Variants in ITSN1 observed in about 807,000 individuals in gnomAD.
The protein encoded by ITSN1 is intersectin-1.
A neutral mutation model predicts 239.8 loss-of-function variants in ITSN1; 58 were observed. That is an observed-to-expected ratio of 0.24 (90% CI 0.20 to 0.30). ITSN1 has a LOEUF of 0.30. Among genes scored for constraint, ITSN1 ranks in the 10% least tolerant of loss-of-function variants. The pLI, the probability that ITSN1 is intolerant of heterozygous loss-of-function variation, is 1.00. For missense variants in ITSN1, 1,558 were observed against 2,103.3 expected, an observed-to-expected ratio of 0.74 and a Z score of 5.07; for synonymous variants, 780 against 770.8, an observed-to-expected ratio of 1.01 and a Z score of -0.20.
chr21:33,673,357 A>C (rs1365586509), intron 1 of ITSN1, among the ~76,000 whole-genome samples: 1 of 152,120 alleles, frequency 6.6e-6, no homozygotes, highest in Non-Finnish European at 1.5e-5. Flanking sequence ...GTATTGGAAA[A>C]TTTGCTGAGA....
intron 28 of ITSN1, 22 bp downstream of exon 28, chr21:33,834,446 A>AC: frequency 2.7e-6 from 4 of 1,499,616 alleles, no homozygotes; most frequent in Non-Finnish European, 3.7e-6. Flanking sequence ...CGCATCTCTA[A>AC]CTGGAAGATG....
At chr21:33,866,554 C>T (rs990431673) in intron 32 of ITSN1, among the ~76,000 whole-genome samples, 11 of 152,040 alleles carry the variant, frequency 7.2e-5, no homozygotes, top group African/African-American at 2.7e-4. Flanking sequence ...TCGTTGCCAG[C>T]TGCGAGGTGT....
chr21:33,874,403 G>A (rs1340420861), intron 33 of ITSN1, among the ~76,000 whole-genome samples: 4 of 152,252 alleles, frequency 2.6e-5, no homozygotes, highest in Non-Finnish European at 4.4e-5. Context: ...TTATGCCCCA[G>A]GCTGCATGCT....
intron 29 of ITSN1, chr21:33,837,383 A>G (rs1483469692): frequency 2.0e-6 from 2 of 992,196 alleles, no homozygotes; most frequent in African/African-American, 3.5e-5. Context: ...CTTCTTTGCT[A>G]TTTTGGTTTT....
At chr21:33,840,756 C>T (rs1000209000) in intron 29 of ITSN1, among the ~76,000 whole-genome samples, 1 of 152,226 alleles carries the variant, frequency 6.6e-6, no homozygotes, top group African/African-American at 2.4e-5. Context: ...CCTCGGCCTC[C>T]CAAAGTGCTG....
At chr21:33,700,836 T>A (rs1445778905) in intron 1 of ITSN1, among the ~76,000 whole-genome samples, 1 of 152,240 alleles carries the variant, frequency 6.6e-6, no homozygotes, top group Non-Finnish European at 1.5e-5. Flanking sequence ...TGTATGTTCA[T>A]AATCACCTTT....
chr21:33,788,843 C>T lies in ITSN1; in HGVS notation c.1825-5498C>T, dbSNP rs187748432. Among the ~76,000 whole-genome samples the T allele has an allele frequency of 1.7e-3, 266 of 152,286 alleles. 1 individual carries two copies. The highest frequency in any genetic ancestry group is 6.3e-3 in the African/African-American group (263 of 41,540). ...TAGCCTGGTACAGTGACATATATCT[C>T]AGGAGGCTGAGGTGGGAGGATCACA... is the stretch of plus-strand genomic sequence containing the variant. On this transcript the variant is annotated intron_variant, in intron 16 of 39. Coordinates refer to ENST00000381318, the MANE Select transcript of ITSN1 (RefSeq NM_003024.3).
chr21:33,733,553 GTCTT>G (rs981450610), intron 4 of ITSN1, among the ~76,000 whole-genome samples: 6 of 152,072 alleles, frequency 3.9e-5, no homozygotes, highest in Admixed American at 6.6e-5. Context: ...ATTTTTAAAA[GTCTT>G]TCAGCAGTCA....
chr21:33,862,304 A>T (rs1049351210), intron 31 of ITSN1, among the ~76,000 whole-genome samples: 5 of 152,028 alleles, frequency 3.3e-5, no homozygotes, highest in African/African-American at 1.2e-4. Context: ...AAAAAAAAAT[A>T]AGAGCTTGTC....
chr21:33,851,778 CTTTTTTT>C (rs35567402), intron 29 of ITSN1, among the ~76,000 whole-genome samples: 3 of 66,214 alleles, frequency 4.5e-5, no homozygotes, highest in African/African-American at 1.3e-4. Flanking sequence ...CTTTTCTTTC[CTTTTTTT>C]TTTTTTTTTT....
chr21:33,686,077 C>G (rs894457636), intron 1 of ITSN1, among the ~76,000 whole-genome samples: 2 of 152,118 alleles, frequency 1.3e-5, no homozygotes, highest in African/African-American at 2.4e-5. Flanking sequence ...GATGACTTGG[C>G]TCTGTGGTAT....
At chr21:33,729,868 G>C (rs2066061043) in intron 4 of ITSN1, among the ~76,000 whole-genome samples, 1 of 152,072 alleles carries the variant, frequency 6.6e-6, no homozygotes, top group Non-Finnish European at 1.5e-5. Context: ...CAGCTTTCAG[G>C]GACTCAGCTT....
Position 33,675,399 on chromosome 21 carries a change from T to TA in ITSN1, c.-33+32695dup, listed in dbSNP as rs1470241783. 1.6e-3 allele frequency among the ~76,000 whole-genome samples: 245 copies of TA among 150,526 alleles called. 1 individual carries two copies. The highest frequency in any genetic ancestry group is 4.9e-3 in the African/African-American group (203 of 41,040). The stretch of plus-strand genomic sequence containing the variant: ...CAACACGGTGAAACCCTGTCTCTAT[T>TA]AAAAAAAAATACAAAAAATTAGCCA... On this transcript the variant is annotated intron_variant, in intron 1 of 39. Transcript: ENST00000381318.
chr21:33,753,292 C>T (rs2147512354), intron 7 of ITSN1, among the ~76,000 whole-genome samples: 1 of 152,250 alleles, frequency 6.6e-6, no homozygotes, highest in South Asian at 2.1e-4. Flanking sequence ...TCTACTTTGC[C>T]AGGCACATCA....
chr21:33,867,965 G>A (rs1281994584), intron 33 of ITSN1, among the ~76,000 whole-genome samples: 1 of 152,196 alleles, frequency 6.6e-6, no homozygotes, highest in Non-Finnish European at 1.5e-5. Flanking sequence ...GACTTTCGCG[G>A]TGTTACAGCT....
At position 33,818,199 on chromosome 21, in the gene ITSN1, C is replaced by A. The variant is rs1602419669; in HGVS notation, c.2728-68C>A. 9.7e-6 allele frequency: 13 copies of A among 1,337,154 alleles called. No individual in the cohort carries two copies. In the East Asian group the frequency reaches 2.8e-4, roughly 29 times the overall value. The allele number at this position is 1,337,154 out of a possible 1,614,324, so 82.8% of individuals were successfully genotyped here. On this transcript the variant is annotated intron_variant, in intron 22 of 39. Coordinates refer to ENST00000381318, the MANE Select transcript of ITSN1 (RefSeq NM_003024.3). ...CTGTGCTTGTTGGAGAGGTGCCATG[C>A]TCACGTCTGCCCTAATTGATAACAA...
intron 9 of ITSN1, 37 bp downstream of exon 9, chr21:33,762,023 G>A (rs1473408230): frequency 6.7e-7 from 1 of 1,497,938 alleles, no homozygotes; most frequent in Non-Finnish European, 9.3e-7. Context: ...GGATAAAGTG[G>A]AAACTTGGTT....
At chr21:33,755,504 C>T (rs2067844905) in intron 8 of ITSN1, 107 bp downstream of exon 8, 1 of 633,624 alleles carries the variant, frequency 1.6e-6, no homozygotes, top group East Asian at 2.9e-5. Flanking sequence ...TATTTCTTGG[C>T]AGTGTTTCCT....
Position 33,829,608 on chromosome 21 carries a change from T to C in ITSN1, c.3230-16T>C. On this transcript the variant is annotated splice_polypyrimidine_tract_variant and intron_variant, in intron 26 of 39. Coordinates refer to ENST00000381318, the MANE Select transcript of ITSN1 (RefSeq NM_003024.3). The stretch of plus-strand genomic sequence containing the variant: ...ACTCTTAACAGTGCACTGCCGTGTT[T>C]GATCTTGTTTTTCAGAAATTGCCCA... The C allele has an allele frequency of 6.2e-7, 1 of 1,611,956 alleles. No individual in the cohort carries two copies. The highest frequency in any genetic ancestry group is 8.5e-7 in the Non-Finnish European group (1 of 1,179,890).
Sources: allele counts gnomAD v4.1 joint callset (sites outside exome capture counted in the v4.1 genomes callset), GRCh38; gene constraint gnomAD v4.1.1; transcripts MANE v1.5; gene names NCBI Gene and HGNC (gene_info 2026-07-23, HGNC 2026-07-21).